The following TULP1 variants were observed in gnomAD, a reference collection of about 807,000 sequenced individuals.
The protein encoded by TULP1 is TUB like protein 1, also known as tubby-related protein 1.
Under a neutral mutation model 67.1 loss-of-function variants are expected in TULP1, and 50 were observed. The ratio of observed to expected loss-of-function variants is 0.75; its 90% CI spans 0.59 to 0.94. The LOEUF is 0.94. Among genes scored for constraint, TULP1 ranks in the 40% least tolerant of loss-of-function variants. The pLI is 0.00. For missense variants in TULP1, 746 were observed against 734.1 expected (o/e 1.02, Z -0.19); for synonymous variants, 297 against 294.0 (o/e 1.01, Z -0.11).
At chr6:35,505,157 G>A (rs1370670723) in intron 11 of TULP1, among the ~76,000 whole-genome samples, 3 of 151,660 alleles carry the variant, frequency 2.0e-5, no homozygotes, top group Admixed American at 1.3e-4. Context: ...GGCTGATCTC[G>A]GACTCCTGAC....
intron 2 of TULP1, 123 bp downstream of exon 2, chr6:35,512,516 C>T (rs758864987): frequency 2.8e-5 from 38 of 1,339,716 alleles, no homozygotes; most frequent in Middle Eastern, 2.3e-4. Context: ...CCCCAGATCT[C>T]CAGACATGCA....
At chr6:35,510,710 T>C (rs1470986413) in intron 5 of TULP1, 151 bp downstream of exon 5, 3 of 1,562,188 alleles carry the variant, frequency 1.9e-6, no homozygotes, top group Non-Finnish European at 2.6e-6. Flanking sequence ...AGGACCATCG[T>C]GGGGAGAAAT....
At position 35,511,706 on chromosome 6, in the gene TULP1, G is replaced by T; in HGVS notation, c.291C>A (p.Ala97=). 1 of 1,593,214 alleles carries T rather than the reference G, an allele frequency of 6.3e-7. No individual in the cohort carries two copies. The highest frequency in any genetic ancestry group is 8.5e-7 in the Non-Finnish European group (1 of 1,170,066). The change falls in exon 4 of 15, where the codon GCC becomes GCA. Residue 97 remains alanine (A), a synonymous_variant. Transcript: ENST00000229771. Reference sequence around the variant, plus strand: ...AGGTTTCCCGGGGGTCGCGCTTCTTGGCCTCGGGGTCCCTGAGGAACCTGG... The same window carrying T: ...AGGTTTCCCGGGGGTCGCGCTTCTTTGCCTCGGGGTCCCTGAGGAACCTGG... ...VYARFLRDPE[A]KKRDPRETFL...
intron 4 of TULP1, 126 bp downstream of exon 4, chr6:35,511,522 G>A: frequency 7.0e-7 from 1 of 1,434,414 alleles, no homozygotes; most frequent in Non-Finnish European, 9.6e-7. Flanking sequence ...CAAAGATAAG[G>A]CCAGAAAAGT....
In TULP1 at chr6:35,506,083, A is replaced by G; in HGVS notation, c.919T>C (p.Cys307Arg). The G allele has an allele frequency of 6.2e-7, 1 of 1,613,682 alleles. No individual in the cohort carries two copies. Among genetic ancestry groups the G allele is most frequent in the Non-Finnish European group, 8.5e-7 (1 of 1,180,014 alleles). ...CCCTTTTTGTCCCGGGTCAGCCGGCAGCGCACCGTGCGGCCCTGGGGGGCA... is the reference window on the plus strand; with the variant it reads ...CCCTTTTTGTCCCGGGTCAGCCGGCGGCGCACCGTGCGGCCCTGGGGGGCA... ...RPAPQGRTVR[C>R]RLTRDKKGMD... The change falls in exon 10 of 15, where the codon TGC becomes CGC. Residue 307 changes from cysteine to arginine, a missense_variant. By Grantham distance (180) the Cys-to-Arg change is radical. This residue lies in a region of TULP1 where 383 missense variants were observed against 374.1 expected (regional missense o/e 1.02). Coordinates refer to ENST00000229771, the MANE Select transcript of TULP1 (RefSeq NM_003322.6).
intron 2 of TULP1, 131 bp downstream of exon 2, chr6:35,512,508 C>T (rs750944320): frequency 1.6e-6 from 2 of 1,268,610 alleles, no homozygotes; most frequent in Non-Finnish European, 2.3e-6. Context: ...CTTTCTCCCC[C>T]CAGATCTCCA....
rs1259550706 is a variant in TULP1, at chr6:35,502,695, A to T, written c.1323+864T>A. Reference sequence around the variant, plus strand: ...TGTATATTTAGTAGAGACGGGGTTTAGCCATGTTGGCCAGGCTGGTCTCGA... The same window carrying T: ...TGTATATTTAGTAGAGACGGGGTTTTGCCATGTTGGCCAGGCTGGTCTCGA... On this transcript the variant is annotated intron_variant, in intron 13 of 14. Coordinates refer to ENST00000229771, the MANE Select transcript of TULP1 (RefSeq NM_003322.6). 5.6e-5 allele frequency among the ~76,000 whole-genome samples: 8 copies of T among 141,760 alleles called. No individual in the cohort carries two copies. In the East Asian group the frequency reaches 6.4e-4, roughly 11 times the overall value. The allele number at this position is 141,760 out of a possible 152,430, so 93.0% of individuals were successfully genotyped here.
Position 35,503,878 on chromosome 6 carries a change from C to T in TULP1, c.1113-30G>A. The T allele has an allele frequency of 6.5e-7, 1 of 1,547,010 alleles. No homozygotes were observed. Among genetic ancestry groups the T allele is most frequent in the Non-Finnish European group, 8.8e-7 (1 of 1,139,174 alleles). ...AAGCAGGGTAGAGCTTGGGGTGGGG[C>T]TGAGGGGATCCTACATCCCTGCCCC... is the stretch of plus-strand genomic sequence containing the variant. On this transcript the variant is annotated intron_variant, in intron 11 of 14. Coordinates refer to ENST00000229771, the MANE Select transcript of TULP1 (RefSeq NM_003322.6). This position sits in a 1 kb window ranked among gnomAD's most constrained non-coding sequence, Gnocchi z 4.0.
At chr6:35,509,393 A>G in intron 7 of TULP1, 81 bp from the exon 8 acceptor site, 1 of 1,353,652 alleles carries the variant, frequency 7.4e-7, no homozygotes, top group East Asian at 2.3e-5. Flanking sequence ...TCTCACTTGG[A>G]TGCTCCCCAC....
rs773686857 is a variant in TULP1 at position 35,509,303 on chromosome 6, T to C, written c.728A>G (p.Lys243Arg). The C allele has an allele frequency of 6.2e-7, 1 of 1,614,010 alleles. No homozygotes were observed. The change falls in exon 8 of 15, where the codon AAA becomes AGA. Residue 243 changes from lysine (K) to arginine (R), a missense_variant. Transcript: ENST00000229771. ...CTCTTCTTCCTCCTTCCTCGCGCCT[T>C]TGGGAGTGCCTGAGCGTGGAGGGGG... Reference protein sequence around the residue: ...KKALKKKGTPKGARKEEEEEE... With the variant: ...KKALKKKGTPRGARKEEEEEE...
At chr6:35,510,760 T>C in intron 5 of TULP1, 101 bp downstream of exon 5, 1 of 1,602,026 alleles carries the variant, frequency 6.2e-7, no homozygotes, top group Non-Finnish European at 8.5e-7. Context: ...ACTGGGTTCA[T>C]TTTGAGGCCT....
At chr6:35,504,218 A>T (rs1377943135) in intron 11 of TULP1, 2 of 278,620 alleles carry the variant, frequency 7.2e-6, no homozygotes, top group Non-Finnish European at 1.4e-5. Flanking sequence ...ATGTGCCTGT[A>T]GTCCCAGCTA....
Position 35,511,794 on chromosome 6 carries a change from C to CCCCT in TULP1, c.202_203insAGGG (p.Gly68GlufsTer107), listed in dbSNP as rs1761210176. On this transcript the variant is annotated frameshift_variant, in exon 4 of 15. Transcript: ENST00000229771. LOFTEE classifies it high-confidence loss of function. The stretch of plus-strand genomic sequence containing the variant: ...TGGGGAAGGCTCCTCCCGCGGCCTC[C>CCCCT]CCGTCCGCCCAGCTGAGCCGAGATG... 3 of 1,561,814 alleles carry CCCCT rather than the reference C, an allele frequency of 1.9e-6. No individual in the cohort carries two copies. The highest frequency in any genetic ancestry group is 3.7e-5 in the Admixed American group (2 of 53,378).
chr6:35,510,868 GC>G lies in TULP1; in HGVS notation c.491del (p.Gly164AlafsTer31). On this transcript the variant is annotated frameshift_variant, in exon 5 of 15. Transcript: ENST00000229771. LOFTEE classifies it high-confidence loss of function. ...DLKERRAKAQ[G>X]PRGDLGSPDP... is the part of the protein sequence containing the mutation. ...AGCACCCTCAGCACCCACCCCTTGGGCCCTGGGCCTTGGCCCTCCTCTCCTT... is the reference window on the plus strand; with the variant it reads ...AGCACCCTCAGCACCCACCCCTTGGGCCTGGGCCTTGGCCCTCCTCTCCTT... 1 of 1,613,860 alleles carries G rather than the reference GC, an allele frequency of 6.2e-7. No individual in the cohort carries two copies. Among genetic ancestry groups the G allele is most frequent in the Non-Finnish European group, 8.5e-7 (1 of 1,179,984 alleles).
chr6:35,512,134 G>T, intron 3 of TULP1, 46 bp downstream of exon 3: 1 of 1,047,420 alleles, frequency 9.5e-7, no homozygotes, highest in Non-Finnish European at 1.2e-6. Context: ...CCTCCCTTCC[G>T]CAGCCCACAC....
At position 35,512,892 on chromosome 6, in the gene TULP1, G is replaced by A. The variant is rs748345119; in HGVS notation, c.-34C>T. 2 of 1,610,998 alleles carry A rather than the reference G, an allele frequency of 1.2e-6. No homozygotes were observed. The highest frequency in any genetic ancestry group is 1.7e-6 in the Non-Finnish European group (2 of 1,179,722). The stretch of plus-strand genomic sequence containing the variant: ...TGCCTATCGCACCCCTTTCTCTGCA[G>A]GTCTAGGAGCCTCCCTCCCGACTCC... On this transcript the variant is annotated 5_prime_UTR_variant, in exon 1 of 15. Coordinates refer to ENST00000229771, the MANE Select transcript of TULP1 (RefSeq NM_003322.6).
rs767226613 is a variant in TULP1, at chr6:35,505,982, C to T, written c.999+21G>A. ...GCCGGATCCCTCCACACTCCCTCCT[C>T]TGCTGCCTCTCCCCACCCACCTTCT... is the stretch of plus-strand genomic sequence containing the variant. On this transcript the variant is annotated intron_variant, in intron 10 of 14. Transcript: ENST00000229771. The T allele has an allele frequency of 4.3e-6, 7 of 1,614,176 alleles. No individual in the cohort carries two copies. The Middle Eastern group carries it at 6.6e-4, about 152-fold the overall frequency.
chr6:35,512,555 TC>T, intron 2 of TULP1, 83 bp downstream of exon 2: 1 of 1,577,408 alleles, frequency 6.3e-7, no homozygotes, highest in Non-Finnish European at 8.7e-7. Flanking sequence ...GGGGGACCTG[TC>T]CCACCCCTAG....
chr6:35,499,884 GGTGT>G, intron 14 of TULP1, 93 bp downstream of exon 14: 11 of 1,369,656 alleles, frequency 8.0e-6, no homozygotes, highest in Non-Finnish European at 1.0e-5. Context: ...GATAAAGGCT[GGTGT>G]GTGTGTGTGT....
Sources: allele counts gnomAD v4.1 joint callset (sites outside exome capture counted in the v4.1 genomes callset), GRCh38; gene constraint gnomAD v4.1.1; regional missense constraint gnomAD v4.1.1; non-coding constraint Gnocchi (gnomAD v3.1); transcripts MANE v1.5; gene names NCBI Gene and HGNC (gene_info 2026-07-23, HGNC 2026-07-21).